The following CNIH3 variants were observed in gnomAD, a reference collection of about 807,000 sequenced individuals.
CNIH3 encodes the protein protein cornichon homolog 3.
In CNIH3, 14 loss-of-function variants were observed where a neutral mutation model predicts 24.1. The ratio of observed to expected loss-of-function variants is 0.58; its 90% confidence interval spans 0.38 to 0.91. CNIH3 has a LOEUF of 0.91. Ranked by LOEUF, CNIH3 falls within the 40% of genes least tolerant of loss-of-function variation. CNIH3 has a pLI of 0.00. For missense variants in CNIH3, 178 were observed against 196.8 expected, an observed-to-expected ratio of 0.90 and a Z score of 0.57; for synonymous variants, 68 against 73.8, an observed-to-expected ratio of 0.92 and a Z score of 0.40.
chr1:224,584,870 G>A (rs977056942), intron 5 of CNIH3, among the ~76,000 whole-genome samples: 1 of 152,148 alleles, frequency 6.6e-6, no homozygotes, highest in Non-Finnish European at 1.5e-5. Flanking sequence ...AAGTCTATGA[G>A]GATAGGACCA....
chr1:224,613,030 G>A (rs747830973), upstream of CNIH3, among the ~76,000 whole-genome samples: 8 of 151,966 alleles, frequency 5.3e-5, no homozygotes, highest in Non-Finnish European at 8.8e-5. Flanking sequence ...ACAGGCTCTC[G>A]CTTTGTCACC....
chr1:224,543,342 C>T (rs572450699), intron 2 of CNIH3, among the ~76,000 whole-genome samples: 3 of 152,252 alleles, frequency 2.0e-5, no homozygotes, highest in Non-Finnish European at 2.9e-5. Flanking sequence ...GATTTGTATC[C>T]TTTATCATAA....
intron 3 of CNIH3, among the ~76,000 whole-genome samples, chr1:224,560,690 G>T (rs993078453): frequency 1.3e-5 from 2 of 151,730 alleles, no homozygotes; most frequent in African/African-American, 4.8e-5. Flanking sequence ...CCCCCAGATG[G>T]GACCATCTAG....
intron 1 of CNIH3, among the ~76,000 whole-genome samples, chr1:224,473,294 A>G (rs1431790118): frequency 1.3e-5 from 2 of 150,080 alleles, no homozygotes; most frequent in Admixed American, 1.4e-4. Context: ...AACAACCAGG[A>G]AACAACAAAA....
chr1:224,499,739 C>T (rs544397788), intron 1 of CNIH3, among the ~76,000 whole-genome samples: 10 of 152,066 alleles, frequency 6.6e-5, no homozygotes, highest in Admixed American at 2.0e-4. Flanking sequence ...ATACAATACA[C>T]GCCGTTATTT....
chr1:224,613,143 G>C (rs1164784353), upstream of CNIH3, among the ~76,000 whole-genome samples: 11 of 152,098 alleles, frequency 7.2e-5, no homozygotes, highest in Non-Finnish European at 1.5e-5. Flanking sequence ...GACTACAGGT[G>C]TGCACCACCA....
At chr1:224,692,590 A>G (rs983875579) in intron 3 of CNIH3, among the ~76,000 whole-genome samples, 6 of 152,224 alleles carry the variant, frequency 3.9e-5, no homozygotes, top group African/African-American at 1.4e-4. Flanking sequence ...AAAGCATGGA[A>G]ATAGTGATGC....
chr1:224,682,849 C>G (rs10157623), intron 2 of CNIH3, among the ~76,000 whole-genome samples: 1 of 152,204 alleles, frequency 6.6e-6, no homozygotes, highest in Admixed American at 6.5e-5. Context: ...TTAGAACACC[C>G]AGAGCTTTCT....
chr1:224,512,001 C>A (rs917646775), upstream of CNIH3, among the ~76,000 whole-genome samples: 1 of 151,618 alleles, frequency 6.6e-6, no homozygotes, highest in African/African-American at 2.4e-5. Context: ...CATGGAGAAA[C>A]CCCGTCTCTA....
chr1:224,721,084 G>A (rs564523893), intron 3 of CNIH3, among the ~76,000 whole-genome samples: 59 of 152,128 alleles, frequency 3.9e-4, no homozygotes, highest in South Asian at 2.3e-3. Flanking sequence ...GAGTGCTCCC[G>A]TGCTGCCTCG....
chr1:224,513,126 C>G (rs954482335), upstream of CNIH3, among the ~76,000 whole-genome samples: 4 of 152,044 alleles, frequency 2.6e-5, no homozygotes, highest in Non-Finnish European at 2.9e-5. Flanking sequence ...CTGCCCGCAG[C>G]CTGTGTCCCT....
At chr1:224,575,485 A>G (rs1680997839) in intron 4 of CNIH3, 1 of 580,444 alleles carries the variant, frequency 1.7e-6, no homozygotes, top group Non-Finnish European at 3.1e-6. Flanking sequence ...TGTGTCACTC[A>G]GCAGTGGGAG....
intron 1 of CNIH3, among the ~76,000 whole-genome samples, chr1:224,445,079 C>T (rs900653836): frequency 6.6e-5 from 10 of 151,732 alleles, no homozygotes; most frequent in African/African-American, 1.9e-4. Context: ...TGAAATAGAA[C>T]GTTACCAGGA....
intron 1 of CNIH3, among the ~76,000 whole-genome samples, chr1:224,666,886 G>T (rs139210744): frequency 2.6e-5 from 4 of 152,148 alleles, no homozygotes; most frequent in South Asian, 2.1e-4. Flanking sequence ...GTCATGTCAC[G>T]TGCATGCGGT....
intron 1 of CNIH3, among the ~76,000 whole-genome samples, chr1:224,465,895 T>G (rs12062871): frequency 0.28 from 43,107 of 151,848 alleles, 7,487 homozygotes; most frequent in African/African-American, 0.49. Flanking sequence ...GGGCATGGTG[T>G]CGGGCACCTG....
chr1:224,554,799 C>G (rs1680068127), intron 3 of CNIH3, among the ~76,000 whole-genome samples: 1 of 152,092 alleles, frequency 6.6e-6, no homozygotes, highest in South Asian at 2.1e-4. Context: ...GTTGCCTAAG[C>G]TGGTCTTTAA....
At chr1:224,723,061 G>A (rs556019083) in intron 3 of CNIH3, among the ~76,000 whole-genome samples, 41 of 152,312 alleles carry the variant, frequency 2.7e-4, no homozygotes, top group Non-Finnish European at 4.7e-4. Flanking sequence ...GGAAATGACG[G>A]TGGGGCTAGA....
intron 1 of CNIH3, among the ~76,000 whole-genome samples, chr1:224,618,515 A>G (rs1683136943): frequency 6.6e-6 from 1 of 152,262 alleles, no homozygotes; most frequent in Non-Finnish European, 1.5e-5. Flanking sequence ...GTCTTAAAAT[A>G]GAACTAAGCA....
chr1:224,602,028 A>G (rs141361057), intron 3 of CNIH3, among the ~76,000 whole-genome samples: 3 of 152,344 alleles, frequency 2.0e-5, no homozygotes, highest in Non-Finnish European at 2.9e-5. Flanking sequence ...AACATTGACA[A>G]TATAGTTTGT....
Sources: gnomAD v4.1 joint callset for allele counts (sites outside exome capture counted in the v4.1 genomes callset) on GRCh38, gnomAD v4.1.1 for gene constraint, MANE v1.5 for transcripts, NCBI Gene and HGNC (gene_info 2026-07-23, HGNC 2026-07-21) for gene names.